Variants in CPNE4 observed in about 807,000 individuals in gnomAD.
CPNE4 encodes copine-4.
Under a neutral mutation model 67.9 loss-of-function variants are expected in CPNE4, and 25 were observed. The observed-to-expected ratio is 0.37, with a 90% CI of 0.27 to 0.51. The LOEUF (loss-of-function observed/expected upper bound fraction) is 0.51. Among genes scored for constraint, CPNE4 ranks in the 20% least tolerant of loss-of-function variants. The probability of loss-of-function intolerance (pLI) is 0.93; values close to 1 mark genes in which losing one functional copy is unlikely to be tolerated. For synonymous variants in CPNE4, 242 were observed against 244.9 expected (o/e 0.99, Z 0.11); for missense variants, 464 against 690.8 (o/e 0.67, Z 3.68).
chr3:131,684,344 A>AGC (rs2080832929), intron 6 of CPNE4, among the ~76,000 whole-genome samples: 2 of 152,236 alleles, frequency 1.3e-5, no homozygotes, highest in African/African-American at 4.8e-5. Context: ...CACTCAGGGC[A>AGC]ACTGTGCTAG....
At chr3:131,854,365 GA>G (rs1423541399) in intron 2 of CPNE4, among the ~76,000 whole-genome samples, 1 of 151,838 alleles carries the variant, frequency 6.6e-6, no homozygotes, top group Non-Finnish European at 1.5e-5. Context: ...TGAGGAAGAA[GA>G]GCTTGTAAGG....
At chr3:132,017,312 A>G (rs1261955293) in intron 1 of CPNE4, 1 of 152,270 alleles carries the variant, frequency 6.6e-6, no homozygotes, top group Non-Finnish European at 1.5e-5. Flanking sequence ...AAGGGAAGAA[A>G]GAGAAGGAGA....
At chr3:131,911,521 C>G (rs1006286941) in intron 1 of CPNE4, among the ~76,000 whole-genome samples, 6 of 142,066 alleles carry the variant, frequency 4.2e-5, no homozygotes, top group Non-Finnish European at 8.9e-5. Flanking sequence ...ATAATACAAA[C>G]AGATTCAAGA....
intron 1 of CPNE4, among the ~76,000 whole-genome samples, chr3:132,026,811 A>T (rs997331476): frequency 2.0e-5 from 3 of 152,104 alleles, no homozygotes; most frequent in African/African-American, 7.3e-5. Flanking sequence ...ACAGTGAGTC[A>T]AGGCCTCTCT....
chr3:131,743,885 C>T (rs1336651975), intron 2 of CPNE4, among the ~76,000 whole-genome samples: 1 of 132,218 alleles, frequency 7.6e-6, no homozygotes, highest in Non-Finnish European at 1.6e-5. Context: ...ATGGCGTGAA[C>T]CCGGGAGGCG....
At chr3:132,009,735 A>C (rs1477231462) in intron 1 of CPNE4, among the ~76,000 whole-genome samples, 1 of 152,200 alleles carries the variant, frequency 6.6e-6, no homozygotes, top group African/African-American at 2.4e-5. Flanking sequence ...GTAAACATTT[A>C]GTTATGTAAG....
intron 1 of CPNE4, among the ~76,000 whole-genome samples, chr3:131,917,580 T>A (rs897012828): frequency 3.9e-5 from 6 of 151,924 alleles, no homozygotes; most frequent in African/African-American, 9.7e-5. Flanking sequence ...TCTCTCTCTC[T>A]CACTCTTTAA....
Position 131,771,631 on chromosome 3 carries a change from G to A in CPNE4, c.181-48006C>T, listed in dbSNP as rs140428903. ...GACCTCACCAGAAGCAGATACTGGT[G>A]CCATTCTTCTTGTGCAACCTGTAGA... On this transcript the variant is annotated intron_variant, in intron 2 of 15. Transcript: ENST00000429747. Among the ~76,000 whole-genome samples, 50 of 152,200 alleles carry A rather than the reference G, an allele frequency of 3.3e-4. No homozygotes were observed. The East Asian group carries it at 7.7e-3, about 24-fold the overall frequency.
chr3:131,663,823 C>A (rs930290620), intron 7 of CPNE4, among the ~76,000 whole-genome samples: 15 of 152,162 alleles, frequency 9.9e-5, no homozygotes, highest in Admixed American at 8.5e-4. Flanking sequence ...CCTCCTTTCA[C>A]CCCTTAGTGG....
At chr3:131,818,797 G>T (rs1353722325) in intron 2 of CPNE4, among the ~76,000 whole-genome samples, 3 of 152,178 alleles carry the variant, frequency 2.0e-5, no homozygotes, top group Non-Finnish European at 4.4e-5. Flanking sequence ...CATAAATTAA[G>T]TAAGTGGTAA....
Position 131,679,536 on chromosome 3 carries a change from A to C in CPNE4, c.591+6339T>G, listed in dbSNP as rs1281610412. Among the ~76,000 whole-genome samples the C allele has an allele frequency of 5.3e-5, 8 of 152,016 alleles. No homozygotes were observed. In the South Asian group the frequency reaches 6.2e-4, roughly 12 times the overall value. On this transcript the variant is annotated intron_variant, in intron 6 of 15. Transcript: ENST00000429747. The stretch of plus-strand genomic sequence containing the variant: ...TGTGATGTTAGGTTGTTAACTTGAG[A>C]TCTTTCTAGCTTTTTGATTGGGCAT...
intron 7 of CPNE4, among the ~76,000 whole-genome samples, chr3:131,630,197 C>T (rs988586996): frequency 6.6e-5 from 10 of 152,216 alleles, no homozygotes; most frequent in South Asian, 2.1e-4. Context: ...TTCTACCTGC[C>T]GGCTAGTCCC....
At chr3:131,878,950 T>C (rs1232183528) in intron 2 of CPNE4, among the ~76,000 whole-genome samples, 3 of 152,242 alleles carry the variant, frequency 2.0e-5, no homozygotes, top group African/African-American at 7.2e-5. Flanking sequence ...GCCCTACCCT[T>C]AGTATTTGAA....
At chr3:131,810,022 G>C (rs1409090066) in intron 2 of CPNE4, among the ~76,000 whole-genome samples, 1 of 152,008 alleles carries the variant, frequency 6.6e-6, no homozygotes. Context: ...GGAGGACGAG[G>C]AGGAGGAGAA....
In CPNE4 at chr3:131,834,952, A is replaced by G. The variant is rs184600401; in HGVS notation, c.180+70312T>C. On this transcript the variant is annotated intron_variant, in intron 2 of 15. Transcript: ENST00000429747. ...AATAAAAATTAATGACAAACATAGA[A>G]AACAAATTCTATCTCACTAGTAATA... 4.6e-5 allele frequency among the ~76,000 whole-genome samples: 7 copies of G among 152,330 alleles called. 1 individual carries two copies. Among genetic ancestry groups the G allele is most frequent in the Admixed American group, 4.6e-4 (7 of 15,302 alleles).
chr3:131,653,038 G>A (rs2079852387), intron 7 of CPNE4, among the ~76,000 whole-genome samples: 1 of 152,080 alleles, frequency 6.6e-6, no homozygotes, highest in African/African-American at 2.4e-5. Context: ...GAAGAATCAG[G>A]GTTAAGTCTT....
At chr3:131,863,481 GTGT>G (rs2086786437) in intron 2 of CPNE4, among the ~76,000 whole-genome samples, 1 of 152,200 alleles carries the variant, frequency 6.6e-6, no homozygotes, top group African/African-American at 2.4e-5. Context: ...ATTTTTACAT[GTGT>G]CTTTTGGCTG....
chr3:131,640,417 AAAAAT>A (rs1224472894), intron 7 of CPNE4, among the ~76,000 whole-genome samples: 1 of 152,112 alleles, frequency 6.6e-6, no homozygotes, highest in African/African-American at 2.4e-5. Flanking sequence ...CAATAACTGA[AAAAAT>A]AAAATAAAAT....
At chr3:131,919,652 A>C (rs1404710679) in intron 1 of CPNE4, among the ~76,000 whole-genome samples, 1 of 152,194 alleles carries the variant, frequency 6.6e-6, no homozygotes, top group African/African-American at 2.4e-5. Flanking sequence ...CAATGTGTGC[A>C]CTATTCTGTA....
Sources: allele counts gnomAD v4.1 joint callset (sites outside exome capture counted in the v4.1 genomes callset), GRCh38; gene constraint gnomAD v4.1.1; transcripts MANE v1.5; gene names NCBI Gene and HGNC (gene_info 2026-07-23, HGNC 2026-07-21).